Variants in LRRC47 observed in about 807,000 individuals in gnomAD.
The protein encoded by LRRC47 is leucine-rich repeat-containing protein 47.
Under a neutral mutation model 40.9 loss-of-function variants are expected in LRRC47, and 31 were observed. The observed-to-expected ratio is 0.76, with a 90% CI of 0.57 to 1.02. The LOEUF is 1.02. LRRC47 is among the 50% of genes least tolerant of loss of function. The pLI is 0.00. For synonymous variants in LRRC47, 427 were observed against 371.9 expected (o/e 1.15, Z -1.70); for missense variants, 726 against 796.1 (o/e 0.91, Z 1.06).
At chr1:3,790,772 T>A (rs942198778) in intron 1 of LRRC47, among the ~76,000 whole-genome samples, 22 of 152,182 alleles carry the variant, frequency 1.4e-4, no homozygotes, top group Middle Eastern at 3.2e-3. Flanking sequence ...GCACTGCAGG[T>A]CCCAGCCCAG....
Position 3,781,054 on chromosome 1 carries a change from C to T in LRRC47, c.*34G>A, listed in dbSNP as rs779769455. 17 of 1,597,556 alleles carry T rather than the reference C, an allele frequency of 1.1e-5. No homozygotes were observed. The South Asian group carries it at 1.4e-4, about 14-fold the overall frequency. On this transcript the variant is annotated 3_prime_UTR_variant, in exon 7 of 7. Transcript: ENST00000378251. Reference sequence around the variant, plus strand: ...TTGCCGCATAGAAACCTCCGCAAAACCGGCCAAACAAACGCGGACAGGCGG... The same window carrying T: ...TTGCCGCATAGAAACCTCCGCAAAATCGGCCAAACAAACGCGGACAGGCGG...
intron 1 of LRRC47, among the ~76,000 whole-genome samples, chr1:3,795,247 G>A (rs1469067571): frequency 6.6e-6 from 1 of 152,108 alleles, no homozygotes; most frequent in Non-Finnish European, 1.5e-5. Flanking sequence ...ACCTGTTATA[G>A]GCCAAGCATT....
rs1273218847 is a variant in LRRC47, at chr1:3,781,281, G to A, written c.1559C>T (p.Ser520Leu). 2 of 1,614,210 alleles carry A rather than the reference G, an allele frequency of 1.2e-6. No individual in the cohort carries two copies. Among genetic ancestry groups the A allele is most frequent in the Admixed American group, 1.7e-5 (1 of 60,028 alleles). The change falls in exon 7 of 7, where the codon TCA (serine) becomes TTA (leucine). Residue 520 changes from serine (S) to leucine (L), a missense_variant. By Grantham distance (145) the Ser-to-Leu change is moderately radical. Coordinates refer to ENST00000378251, the MANE Select transcript of LRRC47 (RefSeq NM_020710.3). ...AGAGACTGCATCGGCTTCAGTATCT[G>A]AGAGTGATCCTTCCTCTTTATTTTC... is the stretch of plus-strand genomic sequence containing the variant. ...TLENKEEGSL[S>L]DTEADAVSGQ...
chr1:3,791,051 A>AGGAGCCC, intron 1 of LRRC47, among the ~76,000 whole-genome samples: 1 of 152,240 alleles, frequency 6.6e-6, no homozygotes, highest in East Asian at 1.9e-4. Context: ...TTTTGTACTG[A>AGGAGCCC]GGAGCCCTGA....
intron 1 of LRRC47, among the ~76,000 whole-genome samples, chr1:3,795,125 T>C (rs6667255): frequency 0.19 from 29,392 of 151,058 alleles, 3,290 homozygotes; most frequent in Middle Eastern, 0.25. Context: ...AATGCAGGAC[T>C]GCCTTAAGGA....
chr1:3,787,084 C>T lies in LRRC47; in HGVS notation c.842G>A (p.Arg281Gln), dbSNP rs1240606553. Residue 281 changes from arginine to glutamine, a missense_variant, in exon 2 of 7, where the codon CGG becomes CAG. Physicochemically the swap from Arg to Gln is conservative, Grantham distance 43 (BLOSUM62 1). Transcript: ENST00000378251. ...RAEGSEKEES[R>Q]RKRRERKQRR... is the part of the protein sequence containing the mutation. ...CTGCTTCCTCTCCCTCCTCTTCCTC[C>T]GGCTCTCTTCCTTCTCCGAGCCCTC... is the stretch of plus-strand genomic sequence containing the variant. 9.3e-6 allele frequency: 15 copies of T among 1,613,968 alleles called. No individual in the cohort carries two copies. Among genetic ancestry groups the T allele is most frequent in the Admixed American group, 1.7e-5 (1 of 60,030 alleles).
intron 1 of LRRC47, among the ~76,000 whole-genome samples, chr1:3,787,905 C>T (rs894616310): frequency 6.6e-6 from 1 of 152,096 alleles, no homozygotes; most frequent in Non-Finnish European, 1.5e-5. Context: ...GCGATGGGTT[C>T]TCAGCCTTCG....
At chr1:3,792,069 A>G (rs1038621604) in intron 1 of LRRC47, among the ~76,000 whole-genome samples, 5 of 152,100 alleles carry the variant, frequency 3.3e-5, no homozygotes, top group Non-Finnish European at 7.3e-5. Context: ...TCTGTTTCTG[A>G]GCTCAGTTTT....
chr1:3,782,568 A>T, intron 5 of LRRC47, 93 bp downstream of exon 5: 1 of 779,300 alleles, frequency 1.3e-6, no homozygotes, highest in Non-Finnish European at 2.3e-6. Context: ...TGCTGGGATT[A>T]CCGGTGTTGA....
chr1:3,783,975 C>T (rs1643546301), intron 4 of LRRC47, 21 bp downstream of exon 4: 1 of 1,589,428 alleles, frequency 6.3e-7, no homozygotes, highest in African/African-American at 1.3e-5. Context: ...CCGGCCCCAC[C>T]CCACCAGGCA....
In LRRC47 at chr1:3,780,985, A is replaced by AT; in HGVS notation, c.*102_*103insA. 1 of 1,516,066 alleles carries AT rather than the reference A, an allele frequency of 6.6e-7. No homozygotes were observed. The highest frequency in any genetic ancestry group is 2.1e-5 in the Admixed American group (1 of 47,216). The allele number at this position is 1,516,066 out of a possible 1,614,324, so 93.9% of individuals were successfully genotyped here. The stretch of plus-strand genomic sequence containing the variant: ...GCGAGACTCCATCTCAAAAAAAAAA[A>AT]CCAACAAAAAAACTGGGGTGAAAAT... On this transcript the variant is annotated 3_prime_UTR_variant, in exon 7 of 7. Transcript: ENST00000378251.
chr1:3,783,028 G>A (rs1016864318), intron 4 of LRRC47: 7 of 489,354 alleles, frequency 1.4e-5, no homozygotes, highest in South Asian at 1.2e-4. Flanking sequence ...AGGACAAAAA[G>A]CTCCGGTGCT....
intron 5 of LRRC47, among the ~76,000 whole-genome samples, chr1:3,782,220 CTTT>C (rs146141267): frequency 1.4e-5 from 2 of 147,460 alleles, no homozygotes; most frequent in Non-Finnish European, 3.0e-5. Flanking sequence ...TCTTCCTCTT[CTTT>C]TTTTTTTTCT....
intron 5 of LRRC47, among the ~76,000 whole-genome samples, chr1:3,782,447 G>T (rs756141248): frequency 6.6e-6 from 1 of 152,024 alleles, no homozygotes; most frequent in South Asian, 2.1e-4. Context: ...GGCATGCACC[G>T]CCACGCCCGG....
chr1:3,781,174 C>T lies in LRRC47; in HGVS notation c.1666G>A (p.Val556Met), dbSNP rs754359289. Residue 556 changes from valine (V) to methionine (M), a missense_variant, in exon 7 of 7, where the codon GTG becomes ATG. Val to Met is a conservative substitution (Grantham distance 21, BLOSUM62 1). Transcript: ENST00000378251. ...SLLVVEQVRV[V>M]DLEGSLKVVY... ...ACCTTCAGGCTCCCTTCCAGATCCA[C>T]CACCCGGACCTGCTCCACCACCAGA... The T allele has an allele frequency of 7.4e-6, 12 of 1,614,012 alleles. No homozygotes were observed. In the East Asian group the frequency reaches 2.2e-4, roughly 30 times the overall value.
chr1:3,795,813 G>A (rs775621509), intron 1 of LRRC47, 49 bp downstream of exon 1: 12 of 1,491,686 alleles, frequency 8.0e-6, no homozygotes, highest in African/African-American at 2.9e-5. Context: ...TCCTTCTCCA[G>A]GGCTACTCCA....
At chr1:3,792,446 C>T (rs1345488738) in intron 1 of LRRC47, among the ~76,000 whole-genome samples, 1 of 147,828 alleles carries the variant, frequency 6.8e-6, no homozygotes, top group Non-Finnish European at 1.5e-5. Flanking sequence ...GCAGGTGCTA[C>T]AGAGAGCTGG....
chr1:3,788,156 C>T lies in LRRC47; in HGVS notation c.616-846G>A, dbSNP rs1028356178. ...CGTGTGAGGGCAGCCACTTCCATGA[C>T]GTGAGGCGGCCGCTGCAGGTTCAGG... is the stretch of plus-strand genomic sequence containing the variant. On this transcript the variant is annotated intron_variant, in intron 1 of 6. Transcript: ENST00000378251. Among the ~76,000 whole-genome samples, 6 of 152,246 alleles carry T rather than the reference C, an allele frequency of 3.9e-5. No homozygotes were observed. In the East Asian group the frequency reaches 5.8e-4, roughly 15 times the overall value.
intron 5 of LRRC47, among the ~76,000 whole-genome samples, chr1:3,781,839 G>A (rs192293866): frequency 3.2e-4 from 48 of 152,248 alleles, no homozygotes; most frequent in African/African-American, 1.0e-3. Context: ...AAATTAGCCA[G>A]GTGTGGTGCC....
Sources: gnomAD v4.1 joint callset for allele counts (sites outside exome capture counted in the v4.1 genomes callset) on GRCh38, gnomAD v4.1.1 for gene constraint, MANE v1.5 for transcripts, NCBI Gene and HGNC (gene_info 2026-07-23, HGNC 2026-07-21) for gene names.